Variants in UBR3 observed in about 807,000 individuals in gnomAD.
UBR3 encodes the protein ubiquitin protein ligase E3 component n-recognin 3.
In UBR3, 85 loss-of-function variants were observed where a neutral mutation model predicts 243.2. That is an observed-to-expected ratio of 0.35 (90% CI 0.29 to 0.42). UBR3 has a LOEUF of 0.42. Among genes scored for constraint, UBR3 ranks in the 10% least tolerant of loss-of-function variants. UBR3 has a pLI of 1.00. For missense variants in UBR3, 1,686 were observed against 2,300.8 expected (o/e 0.73, Z 5.47); for synonymous variants, 748 against 799.8 (o/e 0.94, Z 1.09).
intron 1 of UBR3, among the ~76,000 whole-genome samples, chr2:169,840,241 TC>T (rs1031707105): frequency 6.6e-6 from 1 of 152,168 alleles, no homozygotes; most frequent in Admixed American, 6.5e-5. Flanking sequence ...CAAGAGACTT[TC>T]CCCCCACCTC....
At chr2:170,045,817 C>T (rs372688522) in intron 32 of UBR3, among the ~76,000 whole-genome samples, 27 of 152,138 alleles carry the variant, frequency 1.8e-4, no homozygotes, top group East Asian at 1.5e-3. Context: ...ATCATTTTAT[C>T]TCTATAGTCT....
intron 11 of UBR3, among the ~76,000 whole-genome samples, chr2:169,921,567 G>A (rs2085698468): frequency 6.6e-6 from 1 of 152,138 alleles, no homozygotes; most frequent in African/African-American, 2.4e-5. Context: ...AATATGTACT[G>A]GGTACTGTGC....
At chr2:170,046,100 A>G (rs2091081141) in intron 32 of UBR3, among the ~76,000 whole-genome samples, 2 of 151,154 alleles carry the variant, frequency 1.3e-5, no homozygotes, top group African/African-American at 2.4e-5. Flanking sequence ...CCAAGTAGCT[A>G]GGATTACAGG....
In UBR3 at chr2:169,955,793, C is replaced by CAAA. The variant is rs56238118; in HGVS notation, c.3546-2629_3546-2627dup. ...TGGGCCATAGAGTGAGACTCCATCT[C>CAAA]AAAAAAAAAAAAAAAAAAGATGTTG... On this transcript the variant is annotated intron_variant, in intron 23 of 38. Transcript: ENST00000272793. Among the ~76,000 whole-genome samples the CAAA allele has an allele frequency of 3.8e-5, 3 of 78,510 alleles. 1 individual carries two copies. The highest frequency in any genetic ancestry group is 1.5e-4 in the Admixed American group (1 of 6,752). The allele number at this position is 78,510 out of a possible 152,430, so 51.5% of individuals were successfully genotyped here. A position where few individuals can be genotyped will look rare whatever the true frequency, so the allele number is the denominator to read the frequency against.
intron 25 of UBR3, among the ~76,000 whole-genome samples, chr2:169,989,296 T>G (rs747131619): frequency 1.3e-5 from 2 of 152,186 alleles, no homozygotes; most frequent in Admixed American, 6.5e-5. Context: ...ATTTATTTAT[T>G]TATTTTGCTT....
intron 29 of UBR3, among the ~76,000 whole-genome samples, chr2:170,011,137 C>T (rs1011695006): frequency 3.9e-5 from 6 of 152,044 alleles, no homozygotes; most frequent in Admixed American, 3.3e-4. Context: ...TGAGCGACTG[C>T]ACTTCAGCTT....
rs1368424996 is a variant in UBR3 at position 169,949,717 on chromosome 2, C to A, written c.3197C>A (p.Ser1066Ter). 6.4e-7 allele frequency: 1 copy of A among 1,551,512 alleles called. No individual in the cohort carries two copies. The highest frequency in any genetic ancestry group is 8.7e-7 in the Non-Finnish European group (1 of 1,146,768). The change falls in exon 23 of 39, where the codon TCA becomes TAA. Residue 1066 changes from serine to a stop codon, truncating the protein, a stop_gained. Coordinates refer to ENST00000272793, the MANE Select transcript of UBR3 (RefSeq NM_172070.4). LOFTEE classifies it high-confidence loss of function. ...EANQVVRPKT[S>*]SKWSAPGSAP... ...AATCAGGTGGTTCGTCCCAAAACTTCAAGTAAATGGTCTGCTCCTGGTTCA... is the reference window on the plus strand; with the variant it reads ...AATCAGGTGGTTCGTCCCAAAACTTAAAGTAAATGGTCTGCTCCTGGTTCA...
At chr2:169,866,466 C>G (rs112148943) in intron 1 of UBR3, among the ~76,000 whole-genome samples, 6,602 of 151,854 alleles carry the variant, frequency 0.043, 165 homozygotes, top group Middle Eastern at 0.068. Flanking sequence ...GGATTCAAGC[C>G]ATTCTCCTAC....
intron 32 of UBR3, among the ~76,000 whole-genome samples, chr2:170,045,299 T>C (rs1245858811): frequency 2.6e-5 from 4 of 152,118 alleles, no homozygotes; most frequent in African/African-American, 4.8e-5. Context: ...GATTCAGTTA[T>C]CTCCCACTGG....
At chr2:169,939,440 T>TC (rs2086486293) in intron 19 of UBR3, among the ~76,000 whole-genome samples, 1 of 150,008 alleles carries the variant, frequency 6.7e-6, no homozygotes, top group Non-Finnish European at 1.5e-5. Context: ...TTGTATTTTT[T>TC]TTTTTTTTAG....
intron 14 of UBR3, among the ~76,000 whole-genome samples, chr2:169,926,001 AG>A (rs2085896372): frequency 8.3e-6 from 1 of 119,938 alleles, no homozygotes; most frequent in African/African-American, 2.9e-5. Context: ...GGGTTTCTGC[AG>A]GAAAGGCAAG....
chr2:170,015,804 T>A (rs1485910951), intron 30 of UBR3, among the ~76,000 whole-genome samples: 2 of 151,916 alleles, frequency 1.3e-5, no homozygotes, highest in Non-Finnish European at 2.9e-5. Context: ...GCACGTTTGC[T>A]TTTATTTATA....
At chr2:169,964,977 A>G (rs2087742153) in intron 24 of UBR3, 1 of 456,606 alleles carries the variant, frequency 2.2e-6, no homozygotes, top group Non-Finnish European at 4.4e-6. Context: ...GTGAGGCAAT[A>G]AAGATTTACG....
intron 1 of UBR3, among the ~76,000 whole-genome samples, chr2:169,866,478 T>G (rs1198602596): frequency 2.0e-5 from 3 of 151,468 alleles, no homozygotes; most frequent in African/African-American, 7.3e-5. Flanking sequence ...TTCTCCTACC[T>G]CAGCTTCCTG....
intron 27 of UBR3, among the ~76,000 whole-genome samples, chr2:170,005,882 G>T (rs537225627): frequency 6.6e-6 from 1 of 152,208 alleles, no homozygotes; most frequent in Admixed American, 6.5e-5. Context: ...GGAAGGAAAA[G>T]GATAGTATTG....
intron 32 of UBR3, among the ~76,000 whole-genome samples, chr2:170,043,185 C>T (rs552061694): frequency 6.6e-6 from 1 of 152,120 alleles, no homozygotes; most frequent in Admixed American, 6.5e-5. Context: ...GAGAAGGAAA[C>T]TTGACATAGA....
Position 169,958,658 on chromosome 2 carries a change from T to C in UBR3, c.3634+132T>C, listed in dbSNP as rs1006313641. On this transcript the variant is annotated intron_variant, in intron 24 of 38. Coordinates refer to ENST00000272793, the MANE Select transcript of UBR3 (RefSeq NM_172070.4). The stretch of plus-strand genomic sequence containing the variant: ...TAGTGTTTATTTGGTCCTTAAACAA[T>C]ATAGTGATGGAAGATCAGACTTTTA... 21 of 694,912 alleles carry C rather than the reference T, an allele frequency of 3.0e-5. No homozygotes were observed. The African/African-American group carries it at 3.8e-4, about 13-fold the overall frequency. 43.0% of individuals were successfully genotyped at this position (694,912 alleles called of 1,614,324 possible).
intron 1 of UBR3, among the ~76,000 whole-genome samples, chr2:169,867,655 C>T (rs1430129311): frequency 6.6e-6 from 1 of 152,180 alleles, no homozygotes; most frequent in African/African-American, 2.4e-5. Flanking sequence ...TCTGAACATG[C>T]TTTCAACGAA....
intron 32 of UBR3, among the ~76,000 whole-genome samples, chr2:170,050,574 G>A (rs2091194021): frequency 6.6e-6 from 1 of 152,062 alleles, no homozygotes; most frequent in Non-Finnish European, 1.5e-5. Context: ...TCGTCCTCAG[G>A]TATTTTGATA....
Sources: gnomAD v4.1 joint callset for allele counts (sites outside exome capture counted in the v4.1 genomes callset) on GRCh38, gnomAD v4.1.1 for gene constraint, MANE v1.5 for transcripts, NCBI Gene and HGNC (gene_info 2026-07-23, HGNC 2026-07-21) for gene names.